Variants in RPA3 observed in about 807,000 individuals in gnomAD.
The protein encoded by RPA3 is replication protein A3, also known as replication protein A 14 kDa subunit.
A neutral mutation model predicts 13.7 loss-of-function variants in RPA3; 24 were observed. That is an observed-to-expected ratio of 1.75 (90% CI 1.27 to 2.46). The LOEUF (loss-of-function observed/expected upper bound fraction) is 2.46, where lower values mean the gene tolerates loss of function less well. RPA3 is among the 30% of genes most tolerant of loss of function. The pLI, the probability that RPA3 is intolerant of heterozygous loss-of-function variation, is 0.00. For missense variants in RPA3, 183 were observed against 151.0 expected, an observed-to-expected ratio of 1.21 and a Z score of -1.11; for synonymous variants, 59 against 51.2, an observed-to-expected ratio of 1.15 and a Z score of -0.65.
intron 2 of RPA3, among the ~76,000 whole-genome samples, chr7:7,696,507 G>C (rs1307809387): frequency 6.6e-6 from 1 of 152,160 alleles, no homozygotes; most frequent in Non-Finnish European, 1.5e-5. Context: ...TATGAATTTA[G>C]TTAGTAAAAT....
At chr7:7,685,800 C>G (rs1415479112) in intron 4 of RPA3, 30 bp downstream of exon 4, 2 of 152,158 alleles carry the variant, frequency 1.3e-5, no homozygotes, top group Non-Finnish European at 2.9e-5. Flanking sequence ...TTTCTTCCTT[C>G]ATTATATCAT....
chr7:7,705,449 T>C (rs1780574471), intron 2 of RPA3, among the ~76,000 whole-genome samples: 1 of 152,242 alleles, frequency 6.6e-6, no homozygotes, highest in Non-Finnish European at 1.5e-5. Context: ...TGTAATTGGT[T>C]TGGGTCACTG....
chr7:7,703,090 T>G (rs1156906086), intron 2 of RPA3, among the ~76,000 whole-genome samples: 2 of 152,200 alleles, frequency 1.3e-5, no homozygotes, highest in African/African-American at 2.4e-5. Flanking sequence ...TAGAACTTCC[T>G]TGCCAAACCT....
chr7:7,655,881 G>T (rs1352224160), intron 4 of RPA3, among the ~76,000 whole-genome samples: 3 of 151,814 alleles, frequency 2.0e-5, no homozygotes, highest in Non-Finnish European at 2.9e-5. Context: ...TGTTCCCCAG[G>T]CTGGAATGCC....
chr7:7,709,622 C>T (rs1161351849), intron 2 of RPA3, among the ~76,000 whole-genome samples: 1 of 152,212 alleles, frequency 6.6e-6, no homozygotes, highest in African/African-American at 2.4e-5. Flanking sequence ...CAGAAGTCAT[C>T]TTTCCCTAAC....
In RPA3 at chr7:7,699,034, T is replaced by TTG. The variant is rs756479031; in HGVS notation, c.-1027-11708_-1027-11707dup. Among the ~76,000 whole-genome samples the TTG allele has an allele frequency of 5.0e-4, 64 of 127,196 alleles. 1 individual carries two copies. Among genetic ancestry groups the TTG allele is most frequent in the East Asian group, 8.7e-4 (4 of 4,600 alleles). The allele number at this position is 127,196 out of a possible 152,430, so 83.4% of individuals were successfully genotyped here. On this transcript the variant is annotated intron_variant, in intron 2 of 7. Coordinates refer to ENST00000223129, the MANE Select transcript of RPA3 (RefSeq NM_002947.5). The stretch of plus-strand genomic sequence containing the variant: ...CATGCCCAGTTAATTTTTATATAGT[T>TTG]TGTGTGTGTGTGTGTGGGGGGGGGG...
intron 2 of RPA3, among the ~76,000 whole-genome samples, chr7:7,706,831 T>C (rs1374760233): frequency 6.6e-6 from 1 of 152,172 alleles, no homozygotes; most frequent in African/African-American, 2.4e-5. Context: ...TTGGTTTTGT[T>C]ATTTTTTGGA....
rs28915070 is a variant in RPA3 at position 7,668,874 on chromosome 7, C to T, written c.-758+16956G>A. Among the ~76,000 whole-genome samples, 374 of 152,298 alleles carry T rather than the reference C, an allele frequency of 2.5e-3. 1 individual carries two copies. Among genetic ancestry groups the T allele is most frequent in the African/African-American group, 8.5e-3 (352 of 41,546 alleles). On this transcript the variant is annotated intron_variant, in intron 4 of 7. Coordinates refer to ENST00000223129, the MANE Select transcript of RPA3 (RefSeq NM_002947.5). ...CCCTCAAGGCCTCAGGAGGAACCAG[C>T]TCTGGACAGGAAACCACTCTATTGC...
intron 4 of RPA3, among the ~76,000 whole-genome samples, chr7:7,680,214 T>C (rs1779874401): frequency 6.6e-6 from 1 of 152,176 alleles, no homozygotes; most frequent in Non-Finnish European, 1.5e-5. Context: ...GATTTGATTT[T>C]TGTATGTGGC....
At chr7:7,653,499 G>A (rs1017978932) in intron 4 of RPA3, among the ~76,000 whole-genome samples, 2 of 151,906 alleles carry the variant, frequency 1.3e-5, no homozygotes, top group African/African-American at 4.8e-5. Context: ...CACATGTATA[G>A]CATTACAAAA....
chr7:7,658,010 C>A (rs1303101244), intron 4 of RPA3, among the ~76,000 whole-genome samples: 1 of 152,122 alleles, frequency 6.6e-6, no homozygotes, highest in Non-Finnish European at 1.5e-5. Flanking sequence ...TATAATTCTT[C>A]TTGAAGAGGT....
At chr7:7,683,536 T>A (rs1779963195) in intron 4 of RPA3, among the ~76,000 whole-genome samples, 1 of 152,090 alleles carries the variant, frequency 6.6e-6, no homozygotes, top group East Asian at 1.9e-4. Flanking sequence ...TCTGGGTAAT[T>A]ACATTTCCTT....
chr7:7,691,754 A>G (rs1385828639), intron 2 of RPA3, among the ~76,000 whole-genome samples: 2 of 152,184 alleles, frequency 1.3e-5, no homozygotes, highest in Non-Finnish European at 2.9e-5. Context: ...TCTAATCTTT[A>G]TCGAATTAAA....
In RPA3 at chr7:7,670,060, CA is replaced by C. The variant is rs1246542907; in HGVS notation, c.-758+15769del. Reference sequence around the variant, plus strand: ...TGTGTTTAAATTTGATGTTTTAGGTCATTAAAAATTTTAACGTTTCACTTAA... The same window carrying C: ...TGTGTTTAAATTTGATGTTTTAGGTCTTAAAAATTTTAACGTTTCACTTAA... On this transcript the variant is annotated intron_variant, in intron 4 of 7. Transcript: ENST00000223129. Among the ~76,000 whole-genome samples, 6 of 152,262 alleles carry C rather than the reference CA, an allele frequency of 3.9e-5. No individual in the cohort carries two copies. The East Asian group carries it at 9.7e-4, about 25-fold the overall frequency.
intron 4 of RPA3, among the ~76,000 whole-genome samples, chr7:7,653,045 CTTA>C (rs1785259399): frequency 6.6e-6 from 1 of 152,222 alleles, no homozygotes; most frequent in Non-Finnish European, 1.5e-5. Context: ...CATCCCATGA[CTTA>C]ATTCTCCCTT....
At chr7:7,684,575 T>G (rs6958226) in intron 4 of RPA3, among the ~76,000 whole-genome samples, 366 of 152,284 alleles carry the variant, frequency 2.4e-3, no homozygotes, top group African/African-American at 8.5e-3. Flanking sequence ...CATGAGGAAC[T>G]CATGGATACG....
intron 4 of RPA3, among the ~76,000 whole-genome samples, chr7:7,642,617 A>G (rs565484273): frequency 2.0e-5 from 3 of 152,296 alleles, no homozygotes; most frequent in African/African-American, 4.8e-5. Context: ...TTTTTCGTGT[A>G]TTTTTGAGTC....
chr7:7,677,251 A>G (rs1001873287), intron 4 of RPA3, among the ~76,000 whole-genome samples: 2 of 152,166 alleles, frequency 1.3e-5, no homozygotes, highest in East Asian at 1.9e-4. Context: ...TGTTAGCAAC[A>G]TTCAATTTCC....
intron 2 of RPA3, among the ~76,000 whole-genome samples, chr7:7,694,934 C>G (rs568876727): frequency 6.6e-6 from 1 of 152,224 alleles, no homozygotes; most frequent in African/African-American, 2.4e-5. Context: ...TACGGTAGTT[C>G]TATTTTTAGT....
Sources: gnomAD v4.1 joint callset for allele counts (sites outside exome capture counted in the v4.1 genomes callset) on GRCh38, gnomAD v4.1.1 for gene constraint, MANE v1.5 for transcripts, NCBI Gene and HGNC (gene_info 2026-07-23, HGNC 2026-07-21) for gene names.